The following RAPGEF1 variants were observed in gnomAD, a reference collection of about 807,000 sequenced individuals.
RAPGEF1 encodes Rap guanine nucleotide exchange factor 1, also known as CRK SH3-binding GNRP.
A neutral mutation model predicts 143.3 loss-of-function variants in RAPGEF1; 33 were observed. The observed-to-expected ratio is 0.23, with a 90% confidence interval of 0.17 to 0.31. The LOEUF is 0.31. RAPGEF1 is among the 10% of genes least tolerant of loss of function. The pLI, the probability that RAPGEF1 is intolerant of heterozygous loss-of-function variation, is 1.00. For missense variants in RAPGEF1, 1,199 were observed against 1,645.4 expected, an observed-to-expected ratio of 0.73 and a Z score of 4.69; for synonymous variants, 629 against 676.5, an observed-to-expected ratio of 0.93 and a Z score of 1.09.
chr9:131,674,239 A>G (rs1831899455), intron 1 of RAPGEF1, among the ~76,000 whole-genome samples: 1 of 152,170 alleles, frequency 6.6e-6, no homozygotes, highest in African/African-American at 2.4e-5. Context: ...AAATATTAGC[A>G]CAGAACTATG....
chr9:131,677,325 G>A (rs997307510), intron 1 of RAPGEF1, among the ~76,000 whole-genome samples: 1 of 152,302 alleles, frequency 6.6e-6, no homozygotes, highest in South Asian at 2.1e-4. Flanking sequence ...TGCAAGTAGA[G>A]ATGCAATGTG....
At chr9:131,625,717 A>G (rs1418453786) in intron 10 of RAPGEF1, among the ~76,000 whole-genome samples, 1 of 152,184 alleles carries the variant, frequency 6.6e-6, no homozygotes, top group Non-Finnish European at 1.5e-5. Context: ...AGAAACTGTA[A>G]AGGAGAGGTC....
At chr9:131,594,982 G>C (rs933094007) in intron 17 of RAPGEF1, among the ~76,000 whole-genome samples, 2 of 152,234 alleles carry the variant, frequency 1.3e-5, no homozygotes, top group African/African-American at 4.8e-5. Context: ...GCAGGGAGGG[G>C]GATTCACTGC....
At chr9:131,603,678 C>G (rs1007325416) in intron 14 of RAPGEF1, among the ~76,000 whole-genome samples, 3 of 152,164 alleles carry the variant, frequency 2.0e-5, no homozygotes, top group Non-Finnish European at 4.4e-5. Flanking sequence ...AGCCGGGGCC[C>G]GTGCCACGCT....
chr9:131,607,525 CCA>C (rs1301879296), intron 12 of RAPGEF1, among the ~76,000 whole-genome samples: 1 of 152,084 alleles, frequency 6.6e-6, no homozygotes. Context: ...CTGGGAAAGT[CCA>C]CAGAGAAGAC....
intron 1 of RAPGEF1, among the ~76,000 whole-genome samples, chr9:131,688,165 G>A (rs1833504953): frequency 6.6e-6 from 1 of 152,180 alleles, no homozygotes; most frequent in African/African-American, 2.4e-5. Context: ...GAGATGCCGT[G>A]CCAGATGAAA....
At chr9:131,623,314 GA>G (rs1288493878) in intron 10 of RAPGEF1, among the ~76,000 whole-genome samples, 1 of 151,930 alleles carries the variant, frequency 6.6e-6, no homozygotes, top group East Asian at 1.9e-4. Flanking sequence ...AAAAAGAAAA[GA>G]AAAAAATTAG....
chr9:131,623,372 T>TGG (rs996467483), intron 10 of RAPGEF1, among the ~76,000 whole-genome samples: 4 of 151,968 alleles, frequency 2.6e-5, no homozygotes, highest in Admixed American at 2.6e-4. Flanking sequence ...GAGGCTGAGG[T>TGG]GGGGGGATCC....
At chr9:131,710,184 C>A (rs893733043) in intron 1 of RAPGEF1, among the ~76,000 whole-genome samples, 1 of 152,134 alleles carries the variant, frequency 6.6e-6, no homozygotes, top group East Asian at 1.9e-4. Flanking sequence ...CAGAGTCCCA[C>A]GCTCAGACCA....
intron 17 of RAPGEF1, among the ~76,000 whole-genome samples, chr9:131,596,032 T>C (rs549089394): frequency 1.3e-5 from 2 of 152,280 alleles, no homozygotes; most frequent in South Asian, 4.1e-4. Context: ...GTGCGCTTAG[T>C]ATGCGCTGAG....
chr9:131,629,127 G>A lies in RAPGEF1; in HGVS notation c.868C>T (p.Pro290Ser). 1 of 1,613,946 alleles carries A rather than the reference G, an allele frequency of 6.2e-7. No individual in the cohort carries two copies. Among genetic ancestry groups the A allele is most frequent in the Non-Finnish European group, 8.5e-7 (1 of 1,179,844 alleles). ...CTATTATCAACCACCCGAATGCCAG[G>A]CAGAGGAGGCTTGGGGGGCGCGACC... Reference protein sequence around the residue: ...EEVAPPKPPLPGIRVVDNSPP... With the variant: ...EEVAPPKPPLSGIRVVDNSPP... The change falls in exon 7 of 27, where the codon CCT becomes TCT. Residue 290 changes from proline to serine, a missense_variant. Physicochemically the swap from Pro to Ser is moderately conservative, Grantham distance 74. Around this residue, in one of 6 missense-constraint regions of RAPGEF1, gnomAD observed 613 missense variants for 710.9 expected, o/e 0.86. Coordinates refer to ENST00000683357, the MANE Select transcript of RAPGEF1 (RefSeq NM_001377935.1).
chr9:131,722,058 C>T (rs1836305016), intron 1 of RAPGEF1, among the ~76,000 whole-genome samples: 1 of 152,116 alleles, frequency 6.6e-6, no homozygotes, highest in Non-Finnish European at 1.5e-5. Context: ...TCCTGAGAAA[C>T]ATTAAATCGA....
At chr9:131,662,599 G>A (rs1829743389) in intron 1 of RAPGEF1, among the ~76,000 whole-genome samples, 1 of 151,154 alleles carries the variant, frequency 6.6e-6, no homozygotes, top group East Asian at 2.0e-4. Context: ...CAAGGCTGGA[G>A]TGCAGTGGCA....
At chr9:131,663,328 C>G (rs1418778933) in intron 1 of RAPGEF1, among the ~76,000 whole-genome samples, 1 of 152,188 alleles carries the variant, frequency 6.6e-6, no homozygotes, top group African/African-American at 2.4e-5. Flanking sequence ...TACCAGCTGT[C>G]TCTCTCCTAG....
At chr9:131,629,357 G>GT in intron 6 of RAPGEF1, 103 bp from the exon 7 acceptor site, 1 of 1,205,806 alleles carries the variant, frequency 8.3e-7, no homozygotes, top group Non-Finnish European at 1.2e-6. Context: ...AACACAGTGG[G>GT]TGAGGTGGGG....
intron 1 of RAPGEF1, among the ~76,000 whole-genome samples, chr9:131,697,706 C>A (rs1834297344): frequency 6.6e-6 from 1 of 152,212 alleles, no homozygotes; most frequent in Admixed American, 6.5e-5. Flanking sequence ...GGGTACAGGA[C>A]TTGCTCAAGA....
chr9:131,628,713 C>A lies in RAPGEF1; in HGVS notation c.894-41G>T, dbSNP rs747151174. The A allele has an allele frequency of 1.3e-6, 2 of 1,550,320 alleles. No homozygotes were observed. Among genetic ancestry groups the A allele is most frequent in the Non-Finnish European group, 8.7e-7 (1 of 1,143,080 alleles). On this transcript the variant is annotated intron_variant, in intron 7 of 26. Transcript: ENST00000683357. The surrounding 1 kb of genome is among the most constrained non-coding windows in gnomAD (Gnocchi z 5.7). ...ACGTCCAGGCAGACCAAACCACACTCACCAAAGCTCTTCAGCGTGATATTG... is the reference window on the plus strand; with the variant it reads ...ACGTCCAGGCAGACCAAACCACACTAACCAAAGCTCTTCAGCGTGATATTG...
Position 131,687,963 on chromosome 9 carries a change from C to A in RAPGEF1, c.62-37014G>T, listed in dbSNP as rs114895947. On this transcript the variant is annotated intron_variant, in intron 1 of 26. Transcript: ENST00000683357. The stretch of plus-strand genomic sequence containing the variant: ...CGTGAAGATACACAGCATAGCAATT[C>A]TTCTGTAAATCATGTGAGTTGCTCA... 3.0e-3 allele frequency among the ~76,000 whole-genome samples: 456 copies of A among 152,314 alleles called. 4 individuals carry two copies. The highest frequency in any genetic ancestry group is 1.0e-2 in the African/African-American group (414 of 41,566).
chr9:131,738,458 A>C (rs1212806965), intron 1 of RAPGEF1, among the ~76,000 whole-genome samples: 1 of 152,132 alleles, frequency 6.6e-6, no homozygotes, highest in Non-Finnish European at 1.5e-5. Flanking sequence ...GTGGGGGCTC[A>C]AATTCAGTGA....
Sources: allele counts gnomAD v4.1 joint callset (sites outside exome capture counted in the v4.1 genomes callset), GRCh38; gene constraint gnomAD v4.1.1; regional missense constraint gnomAD v4.1.1; non-coding constraint Gnocchi (gnomAD v3.1); transcripts MANE v1.5; gene names NCBI Gene and HGNC (gene_info 2026-07-23, HGNC 2026-07-21).